The following NCKAP5 variants were observed in gnomAD, a reference collection of about 807,000 sequenced individuals.
The protein encoded by NCKAP5 is NCK associated protein 5, also known as nck-associated protein 5.
NCKAP5 carries 92 observed loss-of-function variants against 167.0 expected under a neutral mutation model. The observed-to-expected ratio is 0.55, with a 90% confidence interval of 0.47 to 0.66. The LOEUF (loss-of-function observed/expected upper bound fraction) is 0.66, where lower values mean the gene tolerates loss of function less well. Among genes scored for constraint, NCKAP5 ranks in the 30% least tolerant of loss-of-function variants. The probability of loss-of-function intolerance (pLI) is 0.00; values close to 1 mark genes in which losing one functional copy is unlikely to be tolerated. For missense variants in NCKAP5, 2,378 were observed against 2,315.0 expected (o/e 1.03, Z -0.56); for synonymous variants, 891 against 877.4 (o/e 1.02, Z -0.27).
At chr2:133,416,329 T>C (rs1240938652) in intron 3 of NCKAP5, among the ~76,000 whole-genome samples, 1 of 152,216 alleles carries the variant, frequency 6.6e-6, no homozygotes, top group African/African-American at 2.4e-5. Context: ...ATTTCCCACA[T>C]GGGCTTAATA....
chr2:133,546,007 T>C (rs1044080427), intron 2 of NCKAP5, among the ~76,000 whole-genome samples: 1 of 152,152 alleles, frequency 6.6e-6, no homozygotes, highest in African/African-American at 2.4e-5. Flanking sequence ...AACAAAATAA[T>C]AGTCTGGTTT....
chr2:133,434,072 T>C (rs1049210041), intron 3 of NCKAP5, among the ~76,000 whole-genome samples: 13 of 152,294 alleles, frequency 8.5e-5, no homozygotes, highest in Admixed American at 2.6e-4. Context: ...CTCTCATTGT[T>C]CCAGACACTC....
intron 8 of NCKAP5, among the ~76,000 whole-genome samples, chr2:132,941,576 A>G (rs1697301570): frequency 6.6e-6 from 1 of 152,212 alleles, no homozygotes; most frequent in Admixed American, 6.5e-5. Context: ...CTGCCTGAGA[A>G]TAAGATAAAC....
chr2:133,028,825 C>T (rs2149415000), intron 6 of NCKAP5, among the ~76,000 whole-genome samples: 1 of 152,260 alleles, frequency 6.6e-6, no homozygotes, highest in South Asian at 2.1e-4. Flanking sequence ...GCATAATCTT[C>T]TTGGTGCTGC....
intron 6 of NCKAP5, among the ~76,000 whole-genome samples, chr2:133,081,973 T>C (rs542218097): frequency 6.6e-6 from 1 of 152,286 alleles, no homozygotes; most frequent in South Asian, 2.1e-4. Context: ...GTACAGATTA[T>C]TTCTTTATCC....
chr2:133,481,609 A>G (rs975462469), intron 3 of NCKAP5, among the ~76,000 whole-genome samples: 2 of 152,056 alleles, frequency 1.3e-5, no homozygotes, highest in Admixed American at 6.5e-5. Context: ...GATAGGCCCC[A>G]GTGTGTGTTG....
Position 132,790,653 on chromosome 2 carries a change from G to A in NCKAP5, c.910-448C>T, listed in dbSNP as rs1005540183. Among the ~76,000 whole-genome samples, 9 of 152,130 alleles carry A rather than the reference G, an allele frequency of 5.9e-5. No homozygotes were observed. The East Asian group carries it at 9.6e-4, about 16-fold the overall frequency. On this transcript the variant is annotated intron_variant, in intron 12 of 19. Transcript: ENST00000409261. ...CTGTATGGTATGGTATGATAATTAC[G>A]GGCAGACTTTGGAGTCAAATTTGGG... is the stretch of plus-strand genomic sequence containing the variant.
intron 11 of NCKAP5, among the ~76,000 whole-genome samples, chr2:132,859,428 A>G (rs58910959): frequency 0.27 from 41,300 of 152,152 alleles, 6,097 homozygotes; most frequent in East Asian, 0.45. Context: ...CACAATGATG[A>G]TAATGTTGTC....
intron 8 of NCKAP5, among the ~76,000 whole-genome samples, chr2:132,923,711 A>C (rs978593064): frequency 1.3e-5 from 2 of 152,204 alleles, no homozygotes; most frequent in Non-Finnish European, 2.9e-5. Flanking sequence ...TTTCATTTTT[A>C]CCTCAGATCT....
At chr2:133,400,040 T>C (rs1208148311) in intron 3 of NCKAP5, among the ~76,000 whole-genome samples, 1 of 152,176 alleles carries the variant, frequency 6.6e-6, no homozygotes, top group East Asian at 1.9e-4. Flanking sequence ...CAATCTTCCT[T>C]ACCCAGTATT....
chr2:132,871,109 T>TA lies in NCKAP5; in HGVS notation c.649-2136dup, dbSNP rs931560233. Reference sequence around the variant, plus strand: ...GTTACAGAACTACCACAGACCAAAATAAACTATACTTTCATTAACTGAGGC... The same window carrying TA: ...GTTACAGAACTACCACAGACCAAAATAAAACTATACTTTCATTAACTGAGGC... On this transcript the variant is annotated intron_variant, in intron 9 of 19. Transcript: ENST00000409261. Among the ~76,000 whole-genome samples, 56 of 152,296 alleles carry TA rather than the reference T, an allele frequency of 3.7e-4. 1 individual carries two copies. Among genetic ancestry groups the TA allele is most frequent in the African/African-American group, 1.3e-3 (52 of 41,564 alleles).
intron 5 of NCKAP5, among the ~76,000 whole-genome samples, chr2:133,171,082 G>A (rs755520495): frequency 2.0e-5 from 3 of 152,212 alleles, no homozygotes; most frequent in South Asian, 2.1e-4. Flanking sequence ...ACTTTCTCAC[G>A]CTAGAATTCT....
intron 4 of NCKAP5, among the ~76,000 whole-genome samples, chr2:133,257,894 A>T (rs1224343421): frequency 6.6e-6 from 1 of 152,206 alleles, no homozygotes; most frequent in Non-Finnish European, 1.5e-5. Flanking sequence ...GAAAACCAGC[A>T]GAAGTGCACC....
In NCKAP5 at chr2:133,331,774, G is replaced by A. The variant is rs149738363; in HGVS notation, c.70-28664C>T. On this transcript the variant is annotated intron_variant, in intron 3 of 19. Transcript: ENST00000409261. Reference sequence around the variant, plus strand: ...GACAAGAATGACTTCCAGTAACTACGACTTCTCCCTGGAGGGAGCACAACG... The same window carrying A: ...GACAAGAATGACTTCCAGTAACTACAACTTCTCCCTGGAGGGAGCACAACG... Among the ~76,000 whole-genome samples the A allele has an allele frequency of 7.4e-3, 1,120 of 152,298 alleles. 17 individuals carry two copies. The highest frequency in any genetic ancestry group is 0.024 in the African/African-American group (984 of 41,558).
At chr2:132,926,620 C>T (rs1057168234) in intron 8 of NCKAP5, among the ~76,000 whole-genome samples, 1 of 152,064 alleles carries the variant, frequency 6.6e-6, no homozygotes, top group African/African-American at 2.4e-5. Flanking sequence ...TTGCATTTCT[C>T]CAGTAATTAA....
At chr2:133,415,121 A>G (rs1689024957) in intron 3 of NCKAP5, among the ~76,000 whole-genome samples, 1 of 152,146 alleles carries the variant, frequency 6.6e-6, no homozygotes, top group African/African-American at 2.4e-5. Context: ...GCTCAACCCC[A>G]TTGCCCCCGC....
intron 3 of NCKAP5, among the ~76,000 whole-genome samples, chr2:133,500,447 A>G (rs1221454588): frequency 1.3e-5 from 2 of 152,182 alleles, no homozygotes; most frequent in African/African-American, 4.8e-5. Flanking sequence ...TGGAAAACTG[A>G]AGACTTCTGA....
intron 7 of NCKAP5, among the ~76,000 whole-genome samples, chr2:132,978,810 C>G (rs1320380616): frequency 6.6e-6 from 1 of 152,212 alleles, no homozygotes; most frequent in African/African-American, 2.4e-5. Flanking sequence ...ACTTTATAGA[C>G]TTCTGCCCAC....
At chr2:133,583,044 G>C in the NCKAP5 span, among the ~76,000 whole-genome samples, 5 of 152,114 alleles carry the variant, frequency 3.3e-5, no homozygotes, top group African/African-American at 1.2e-4. Context: ...TTTCTGGGAA[G>C]CAATTAGGCT....
Sources: allele counts gnomAD v4.1 joint callset (sites outside exome capture counted in the v4.1 genomes callset), GRCh38; gene constraint gnomAD v4.1.1; transcripts MANE v1.5; gene names NCBI Gene and HGNC (gene_info 2026-07-23, HGNC 2026-07-21).